Variants in DCHS2 observed in about 807,000 individuals in gnomAD.
The protein encoded by DCHS2 is dachsous cadherin-related 2.
A neutral mutation model predicts 182.4 loss-of-function variants in DCHS2; 142 were observed. That is an observed-to-expected ratio of 0.78 (90% CI 0.68 to 0.89). The LOEUF (loss-of-function observed/expected upper bound fraction) is 0.89. Among genes scored for constraint, DCHS2 ranks in the 40% least tolerant of loss-of-function variants. The probability of loss-of-function intolerance (pLI) is 0.00; values close to 1 mark genes in which losing one functional copy is unlikely to be tolerated. For synonymous variants in DCHS2, 1,740 were observed against 1,663.3 expected, an observed-to-expected ratio of 1.05 and a Z score of -1.12; for missense variants, 4,319 against 4,198.6, an observed-to-expected ratio of 1.03 and a Z score of -0.79.
chr4:154,299,511 A>G (rs1735116429), intron 12 of DCHS2, among the ~76,000 whole-genome samples: 1 of 152,216 alleles, frequency 6.6e-6, no homozygotes, highest in Non-Finnish European at 1.5e-5. Context: ...GAGCAGGCCC[A>G]ATAGTGTGGG....
rs762476646 is a variant in DCHS2, at chr4:154,270,026, G to GGT, written c.6464-15_6464-14dup. The GGT allele has an allele frequency of 6.3e-7, 1 of 1,579,614 alleles. No individual in the cohort carries two copies. The highest frequency in any genetic ancestry group is 8.6e-7 in the Non-Finnish European group (1 of 1,169,258). ...ACAATAGAAGTACCTGTAAAAATTA[G>GGT]GTAAAAAAAGAACTCCATTAGGATA... On this transcript the variant is annotated splice_polypyrimidine_tract_variant and intron_variant, in intron 13 of 19. Coordinates refer to ENST00000357232, the MANE Select transcript of DCHS2 (RefSeq NM_001358235.2).
intron 3 of DCHS2, among the ~76,000 whole-genome samples, chr4:154,364,191 T>C (rs1266601261): frequency 1.3e-5 from 2 of 152,242 alleles, no homozygotes; most frequent in Non-Finnish European, 1.5e-5. Context: ...TGATTAACAA[T>C]GGCATTTGTG....
In DCHS2 at chr4:154,491,213, A is replaced by G. The variant is rs1728822610; in HGVS notation, c.143T>C (p.Leu48Pro). ...CAGCCACACGTGCACCAAGAGCCAG[A>G]GCAGGGAGCGCTGCGTCCTGGCGCC... Reference protein sequence around the residue: ...SSGARTQRSLLWLLVHVWLWA... With the variant: ...SSGARTQRSLPWLLVHVWLWA... Residue 48 changes from leucine to proline, a missense_variant, in exon 1 of 20, where the codon CTC becomes CCC. Coordinates refer to ENST00000357232, the MANE Select transcript of DCHS2 (RefSeq NM_001358235.2). 1.3e-6 allele frequency: 2 copies of G among 1,551,236 alleles called. No homozygotes were observed. Among genetic ancestry groups the G allele is most frequent in the Non-Finnish European group, 1.7e-6 (2 of 1,146,944 alleles).
intron 1 of DCHS2, among the ~76,000 whole-genome samples, chr4:154,405,476 A>T (rs1430201997): frequency 1.3e-5 from 2 of 150,062 alleles, no homozygotes; most frequent in East Asian, 3.9e-4. Context: ...ATATATTTTC[A>T]TTGCTCCATT....
chr4:154,410,042 C>T (rs768497897), intron 1 of DCHS2, among the ~76,000 whole-genome samples: 20 of 152,058 alleles, frequency 1.3e-4, no homozygotes, highest in African/African-American at 3.9e-4. Context: ...AAAGCCACTC[C>T]GTAAAGTTTG....
At chr4:154,335,360 C>A (rs947313667) in intron 3 of DCHS2, among the ~76,000 whole-genome samples, 2 of 152,128 alleles carry the variant, frequency 1.3e-5, no homozygotes, top group African/African-American at 4.8e-5. Context: ...TGGTCCAATC[C>A]ACTGAAGGCC....
At position 154,233,261 on chromosome 4, in the gene DCHS2, A is replaced by T. The variant is rs187663553; in HGVS notation, c.*1275T>A. 153 of 152,282 alleles carry T rather than the reference A, an allele frequency of 1.0e-3. No individual in the cohort carries two copies. The highest frequency in any genetic ancestry group is 3.4e-3 in the African/African-American group (143 of 41,560). 9.4% of individuals were successfully genotyped at this position (152,282 alleles called of 1,614,324 possible). ...GATGCTGTCCACCTTCCTGAAAGGG[A>T]TGAGAATCTGTGAGGGATTCCCAGG... On this transcript the variant is annotated 3_prime_UTR_variant, in exon 20 of 20. Coordinates refer to ENST00000357232, the MANE Select transcript of DCHS2 (RefSeq NM_001358235.2).
intron 1 of DCHS2, among the ~76,000 whole-genome samples, chr4:154,429,409 A>G (rs903520201): frequency 6.6e-6 from 1 of 152,196 alleles, no homozygotes; most frequent in African/African-American, 2.4e-5. Context: ...AGAGGAGGCC[A>G]GATACTCCCT....
chr4:154,446,776 A>G (rs1230251516), intron 1 of DCHS2, among the ~76,000 whole-genome samples: 2 of 152,232 alleles, frequency 1.3e-5, no homozygotes, highest in Admixed American at 6.5e-5. Flanking sequence ...GGCTAGAAAA[A>G]AAAAGGAGGC....
At chr4:154,308,047 TAAG>T (rs1409991090) in intron 10 of DCHS2, among the ~76,000 whole-genome samples, 10 of 152,188 alleles carry the variant, frequency 6.6e-5, no homozygotes, top group Non-Finnish European at 1.3e-4. Context: ...TCTCTAGCTA[TAAG>T]AAGAATTAGG....
At position 154,489,714 on chromosome 4, in the gene DCHS2, C is replaced by G; in HGVS notation, c.1642G>C (p.Val548Leu). Reference sequence around the variant, plus strand: ...GTGCCAGGGGCCGCGGCCTCGGACACTGAGGCCTTGTAATGCTGTTGGCTG... The same window carrying G: ...GTGCCAGGGGCCGCGGCCTCGGACAGTGAGGCCTTGTAATGCTGTTGGCTG... ...LFSQQHYKAS[V>L]SEAAAPGTVV... The change falls in exon 1 of 20, where the codon GTG (valine) becomes CTG (leucine). Residue 548 changes from valine (V) to leucine (L), a missense_variant. Coordinates refer to ENST00000357232, the MANE Select transcript of DCHS2 (RefSeq NM_001358235.2). 5 of 1,551,738 alleles carry G rather than the reference C, an allele frequency of 3.2e-6. No homozygotes were observed. Among genetic ancestry groups the G allele is most frequent in the Non-Finnish European group, 3.5e-6 (4 of 1,146,998 alleles).
At chr4:154,335,142 A>G (rs2111370900) in intron 3 of DCHS2, 38 bp from the exon 4 acceptor site, 2 of 1,296,414 alleles carry the variant, frequency 1.5e-6, no homozygotes, top group African/African-American at 1.5e-5. Flanking sequence ...AACAGATAAC[A>G]TGTAATAAAT....
At position 154,366,342 on chromosome 4, in the gene DCHS2, C is replaced by T. The variant is rs1020863053; in HGVS notation, c.2344G>A (p.Asp782Asn). Residue 782 changes from aspartate to asparagine, a missense_variant, in exon 3 of 20, where the codon GAT becomes AAT. Transcript: ENST00000357232. ...ATCTCGGTGCCTGGCTGGGTCTCAT[C>T]ACTGATGCTCGTCACATAGGTTGAT... is the stretch of plus-strand genomic sequence containing the variant. ...NPSTYVTSIS[D>N]ETQPGTEIIN... 6.2e-7 allele frequency: 1 copy of T among 1,613,756 alleles called. No homozygotes were observed. Among genetic ancestry groups the T allele is most frequent in the Admixed American group, 1.7e-5 (1 of 59,984 alleles).
chr4:154,252,347 A>AATC (rs1732410721), intron 16 of DCHS2, among the ~76,000 whole-genome samples: 2 of 152,142 alleles, frequency 1.3e-5, no homozygotes, highest in Admixed American at 6.5e-5. Context: ...TTTTAATTAT[A>AATC]ATCTTTTTGT....
chr4:154,333,746 G>T, intron 4 of DCHS2: 14 of 473,628 alleles, frequency 3.0e-5, no homozygotes, highest in Admixed American at 3.5e-5. Flanking sequence ...TGCTGTGCAG[G>T]TTTGTAGCCT....
intron 7 of DCHS2, 46 bp downstream of exon 7, chr4:154,328,047 C>T (rs1425990908): frequency 2.9e-6 from 4 of 1,371,420 alleles, no homozygotes; most frequent in Non-Finnish European, 3.0e-6. Context: ...TAAATGAAAG[C>T]AGAAATCCTA....
chr4:154,240,931 CTCTT>C (rs2111104533), intron 17 of DCHS2, 108 bp from the exon 18 acceptor site: 1 of 1,454,640 alleles, frequency 6.9e-7, no homozygotes, highest in South Asian at 1.4e-5. Flanking sequence ...ATATGATTTG[CTCTT>C]TCTTGGCTTG....
intron 1 of DCHS2, among the ~76,000 whole-genome samples, chr4:154,429,880 T>C (rs1023771895): frequency 1.2e-4 from 19 of 152,302 alleles, no homozygotes; most frequent in Admixed American, 1.1e-3. Context: ...TGTAATCGTA[T>C]GCAAGCCACT....
chr4:154,426,396 T>C (rs1733325772), intron 1 of DCHS2, among the ~76,000 whole-genome samples: 1 of 152,170 alleles, frequency 6.6e-6, no homozygotes, highest in Non-Finnish European at 1.5e-5. Context: ...TTTTCTCACT[T>C]TGCAGTCTTT....
Sources: gnomAD v4.1 joint callset for allele counts (sites outside exome capture counted in the v4.1 genomes callset) on GRCh38, gnomAD v4.1.1 for gene constraint, MANE v1.5 for transcripts, NCBI Gene and HGNC (gene_info 2026-07-23, HGNC 2026-07-21) for gene names.